Variants in HS3ST3A1 observed in about 807,000 individuals in gnomAD.
The protein encoded by HS3ST3A1 is heparan sulfate-glucosamine 3-sulfotransferase 3A1.
Under a neutral mutation model 25.7 loss-of-function variants are expected in HS3ST3A1, and 19 were observed. The observed-to-expected ratio is 0.74, with a 90% CI of 0.52 to 1.08. HS3ST3A1 has a LOEUF of 1.08. Among genes scored for constraint, HS3ST3A1 ranks in the 50% least tolerant of loss-of-function variants. HS3ST3A1 has a pLI of 0.00. For synonymous variants in HS3ST3A1, 226 were observed against 278.6 expected (o/e 0.81, Z 1.88); for missense variants, 459 against 594.3 (o/e 0.77, Z 2.37).
At chr17:13,600,461 G>A in intron 1 of HS3ST3A1, 70 bp downstream of exon 1, 4 of 1,460,490 alleles carry the variant, frequency 2.7e-6, no homozygotes, top group Non-Finnish European at 3.6e-6. Context: ...GTCACCGAGG[G>A]CTCCTCCACG....
At chr17:13,502,410 A>G (rs551773038) in intron 1 of HS3ST3A1, among the ~76,000 whole-genome samples, 190 of 152,284 alleles carry the variant, frequency 1.2e-3, no homozygotes, top group African/African-American at 4.3e-3. Context: ...CACCTCTATG[A>G]TCAGGGAACC....
intron 1 of HS3ST3A1, among the ~76,000 whole-genome samples, chr17:13,577,172 T>A (rs1024904249): frequency 6.6e-6 from 1 of 152,138 alleles, no homozygotes; most frequent in African/African-American, 2.4e-5. Flanking sequence ...TCAATTACCT[T>A]CCACCAGGTC....
intron 1 of HS3ST3A1, among the ~76,000 whole-genome samples, chr17:13,564,777 G>T (rs1356414890): frequency 2.8e-5 from 4 of 145,332 alleles, no homozygotes; most frequent in Non-Finnish European, 6.0e-5. Context: ...AGGCTCGAGT[G>T]CAGTGGTGCG....
At position 13,501,196 on chromosome 17, in the gene HS3ST3A1, G is replaced by A. The variant is rs188927457; in HGVS notation, c.600-4378C>T. Among the ~76,000 whole-genome samples the A allele has an allele frequency of 4.6e-3, 694 of 151,940 alleles. 3 individuals carry two copies. The highest frequency in any genetic ancestry group is 0.014 in the African/African-American group (561 of 41,288). ...TTGTGGGGATCGATCACGTAACAAC[G>A]TGTATGTACTTAACACTACTGAACC... On this transcript the variant is annotated intron_variant, in intron 1 of 1. Coordinates refer to ENST00000284110, the MANE Select transcript of HS3ST3A1 (RefSeq NM_006042.3).
At chr17:13,499,932 G>A (rs1474934074) in intron 1 of HS3ST3A1, among the ~76,000 whole-genome samples, 3 of 152,110 alleles carry the variant, frequency 2.0e-5, no homozygotes, top group African/African-American at 7.2e-5. Flanking sequence ...ATAAAGAAAC[G>A]ATAGTCTAAA....
rs113607347 is a variant in HS3ST3A1 at position 13,577,947 on chromosome 17, C to T, written c.599+22584G>A. 9.8e-3 allele frequency among the ~76,000 whole-genome samples: 1,492 copies of T among 152,208 alleles called. 30 individuals carry two copies. The highest frequency in any genetic ancestry group is 0.035 in the African/African-American group (1,447 of 41,516). ...AACCCAATCAAAACGGGCATCTTCA[C>T]ACTACCAGAGACAGTATTTGATACA... On this transcript the variant is annotated intron_variant, in intron 1 of 1. Coordinates refer to ENST00000284110, the MANE Select transcript of HS3ST3A1 (RefSeq NM_006042.3).
intron 1 of HS3ST3A1, among the ~76,000 whole-genome samples, chr17:13,551,896 C>T (rs1290858805): frequency 6.6e-6 from 1 of 152,154 alleles, no homozygotes; most frequent in East Asian, 1.9e-4. Context: ...CTAGCTAACG[C>T]TTCAGATCTG....
chr17:13,545,391 T>C (rs1358807289), intron 1 of HS3ST3A1, among the ~76,000 whole-genome samples: 1 of 152,232 alleles, frequency 6.6e-6, no homozygotes, highest in Non-Finnish European at 1.5e-5. Context: ...CTTCTCATCG[T>C]GGTGGAGTTT....
intron 1 of HS3ST3A1, among the ~76,000 whole-genome samples, chr17:13,504,407 A>T (rs980632271): frequency 2.0e-5 from 3 of 152,192 alleles, no homozygotes; most frequent in African/African-American, 7.2e-5. Flanking sequence ...GATTTCCTTT[A>T]TAAAAAATGT....
chr17:13,564,078 GGAAGTTTTTACTGTTAATCCAGGAAA>G (rs1173300467), intron 1 of HS3ST3A1, among the ~76,000 whole-genome samples: 3 of 152,158 alleles, frequency 2.0e-5, no homozygotes, highest in Non-Finnish European at 4.4e-5. Context: ...ATGGGTTTTA[GGAAGTTTTTACTGTTAATCCAGGAAA>G]GCAATTCTGC....
chr17:13,526,467 T>TTAATTTTTA (rs1456863127), intron 1 of HS3ST3A1, among the ~76,000 whole-genome samples: 1 of 111,390 alleles, frequency 9.0e-6, no homozygotes, highest in Admixed American at 1.1e-4. Flanking sequence ...GGATACAACT[T>TTAATTTTTA]TAATTTTTAT....
At chr17:13,517,169 T>C (rs1268432499) in intron 1 of HS3ST3A1, among the ~76,000 whole-genome samples, 2 of 152,246 alleles carry the variant, frequency 1.3e-5, no homozygotes, top group Non-Finnish European at 2.9e-5. Context: ...ATTCTAGCCA[T>C]ACTCTCATTT....
intron 1 of HS3ST3A1, among the ~76,000 whole-genome samples, chr17:13,571,174 G>A (rs1193023667): frequency 6.6e-6 from 1 of 152,134 alleles, no homozygotes. Flanking sequence ...TCAGTGTATG[G>A]CCTGTCTAGA....
chr17:13,519,220 A>G (rs927890975), intron 1 of HS3ST3A1, among the ~76,000 whole-genome samples: 2 of 152,224 alleles, frequency 1.3e-5, no homozygotes, highest in African/African-American at 4.8e-5. Flanking sequence ...AGATAAGAAA[A>G]TAGGTCTTGA....
Position 13,561,890 on chromosome 17 carries a change from C to CA in HS3ST3A1, c.599+38640dup, listed in dbSNP as rs199761399. 9.2e-3 allele frequency among the ~76,000 whole-genome samples: 1,404 copies of CA among 152,008 alleles called. 16 individuals are homozygous for CA. Among genetic ancestry groups the CA allele is most frequent in the African/African-American group, 0.032 (1,327 of 41,464 alleles). On this transcript the variant is annotated intron_variant, in intron 1 of 1. Coordinates refer to ENST00000284110, the MANE Select transcript of HS3ST3A1 (RefSeq NM_006042.3). ...GGGTACAAAGAGGACAGACAAAGGGCAAAAAGAGAGTGTAGGGTACGGATC... is the reference window on the plus strand; with the variant it reads ...GGGTACAAAGAGGACAGACAAAGGGCAAAAAAGAGAGTGTAGGGTACGGATC...
At chr17:13,591,069 CAG>C (rs1245643588) in intron 1 of HS3ST3A1, among the ~76,000 whole-genome samples, 1 of 139,122 alleles carries the variant, frequency 7.2e-6, no homozygotes, top group Non-Finnish European at 1.5e-5. Flanking sequence ...TTTTTTGAGA[CAG>C]AGTCTCACTC....
intron 1 of HS3ST3A1, among the ~76,000 whole-genome samples, chr17:13,543,821 C>T (rs541052151): frequency 1.3e-5 from 2 of 152,122 alleles, no homozygotes; most frequent in Admixed American, 6.5e-5. Context: ...AAATAACCAT[C>T]GATCTGGATT....
intron 1 of HS3ST3A1, among the ~76,000 whole-genome samples, chr17:13,595,803 T>G (rs1304602512): frequency 1.3e-5 from 2 of 152,110 alleles, no homozygotes; most frequent in Non-Finnish European, 1.5e-5. Context: ...GATTGCAATT[T>G]GCAATTGTTC....
chr17:13,523,599 TAA>T lies in HS3ST3A1; in HGVS notation c.600-26783_600-26782del, dbSNP rs1383174723. Among the ~76,000 whole-genome samples the T allele has an allele frequency of 4.1e-4, 62 of 152,170 alleles. 1 individual carries two copies. The highest frequency in any genetic ancestry group is 4.1e-3 in the Admixed American group (62 of 15,268). On this transcript the variant is annotated intron_variant, in intron 1 of 1. Coordinates refer to ENST00000284110, the MANE Select transcript of HS3ST3A1 (RefSeq NM_006042.3). ...TCCATAGAATTTGTGCCCTCCACAC[TAA>T]GAGAGGTTTTCTGGGTGCTACAGAA...
Sources: gnomAD v4.1 joint callset for allele counts (sites outside exome capture counted in the v4.1 genomes callset) on GRCh38, gnomAD v4.1.1 for gene constraint, MANE v1.5 for transcripts, NCBI Gene and HGNC (gene_info 2026-07-23, HGNC 2026-07-21) for gene names.